The following RBFOX1 variants were observed in gnomAD, a reference collection of about 807,000 sequenced individuals.
RBFOX1 encodes RNA binding protein fox-1 homolog 1.
RBFOX1 carries 8 observed loss-of-function variants against 57.7 expected under a neutral mutation model. That is an observed-to-expected ratio of 0.14 (90% CI 0.08 to 0.25). The LOEUF (loss-of-function observed/expected upper bound fraction) is 0.25. RBFOX1 is among the 10% of genes least tolerant of loss of function. The pLI is 1.00. For synonymous variants in RBFOX1, 326 were observed against 222.4 expected, an observed-to-expected ratio of 1.47 and a Z score of -4.15; for missense variants, 611 against 548.5, an observed-to-expected ratio of 1.11 and a Z score of -1.14.
At chr16:7,613,779 C>T (rs1430265968) in intron 10 of RBFOX1, among the ~76,000 whole-genome samples, 1 of 152,072 alleles carries the variant, frequency 6.6e-6, no homozygotes, top group East Asian at 1.9e-4. Context: ...TTTAGTCATA[C>T]TTTTAGCTGT....
At chr16:7,170,958 C>A (rs1431510658) in intron 4 of RBFOX1, among the ~76,000 whole-genome samples, 1 of 152,120 alleles carries the variant, frequency 6.6e-6, no homozygotes, top group South Asian at 2.1e-4. Flanking sequence ...ATCAGGTTTC[C>A]TTTTGCAGGT....
At chr16:7,073,479 G>A (rs529670662) in intron 4 of RBFOX1, among the ~76,000 whole-genome samples, 4 of 152,080 alleles carry the variant, frequency 2.6e-5, no homozygotes, top group Non-Finnish European at 4.4e-5. Context: ...ATATAATTCA[G>A]ACCCCCTACA....
At chr16:6,516,653 C>G (rs758570707) in intron 2 of RBFOX1, among the ~76,000 whole-genome samples, 1 of 152,156 alleles carries the variant, frequency 6.6e-6, no homozygotes, top group Non-Finnish European at 1.5e-5. Flanking sequence ...GGAAGACAAT[C>G]TGTTGATTGT....
intron 1 of RBFOX1, among the ~76,000 whole-genome samples, chr16:6,211,342 C>A (rs565013805): frequency 1.3e-5 from 2 of 151,216 alleles, no homozygotes; most frequent in South Asian, 4.2e-4. Flanking sequence ...CATTCTTCTA[C>A]CTCAGCCTCC....
At chr16:6,511,417 C>G (rs767239915) in intron 2 of RBFOX1, among the ~76,000 whole-genome samples, 11 of 152,134 alleles carry the variant, frequency 7.2e-5, no homozygotes, top group Admixed American at 2.6e-4. Context: ...AAATGAAGAC[C>G]TGGGAATTTT....
intron 4 of RBFOX1, among the ~76,000 whole-genome samples, chr16:7,093,909 A>G (rs78354760): frequency 0.011 from 1,683 of 152,090 alleles, 19 homozygotes; most frequent in Non-Finnish European, 0.02. Flanking sequence ...GTGTTTAAAG[A>G]TTCTTGGAAA....
At chr16:7,093,241 C>G (rs1405158121) in intron 4 of RBFOX1, among the ~76,000 whole-genome samples, 12 of 152,178 alleles carry the variant, frequency 7.9e-5, no homozygotes, top group Admixed American at 7.9e-4. Context: ...GCCCAGCAGA[C>G]TCTGATTACT....
intron 4 of RBFOX1, among the ~76,000 whole-genome samples, chr16:7,449,585 G>A (rs149449488): frequency 3.3e-5 from 5 of 151,978 alleles, no homozygotes; most frequent in Admixed American, 1.3e-4. Context: ...CTTTAACCTC[G>A]TTAGACTTGA....
chr16:7,363,327 C>T (rs1164061163), intron 4 of RBFOX1, among the ~76,000 whole-genome samples: 1 of 152,142 alleles, frequency 6.6e-6, no homozygotes, highest in East Asian at 1.9e-4. Flanking sequence ...TTGTGTGTTA[C>T]TTACAACGTG....
At chr16:6,306,936 A>T (rs1454263934) in intron 1 of RBFOX1, among the ~76,000 whole-genome samples, 1 of 152,160 alleles carries the variant, frequency 6.6e-6, no homozygotes, top group East Asian at 1.9e-4. Flanking sequence ...CTACTTTGTG[A>T]ACTTGGTGCT....
intron 2 of RBFOX1, among the ~76,000 whole-genome samples, chr16:6,542,418 C>A (rs1302023404): frequency 2.7e-5 from 4 of 147,562 alleles, no homozygotes; most frequent in African/African-American, 9.9e-5. Context: ...AGCTCAACAA[C>A]TGCAGCTAAG....
chr16:6,811,795 A>C (rs1197777266), intron 3 of RBFOX1, among the ~76,000 whole-genome samples: 1 of 152,322 alleles, frequency 6.6e-6, no homozygotes, highest in Non-Finnish European at 1.5e-5. Context: ...AGGCTGAGGC[A>C]GGAGAATCGC....
rs559669599 is a variant in RBFOX1, at chr16:7,006,062, A to T, written c.-15-45995A>T. ...CCTCATGGTATATGTTCTCCTTTGC[A>T]ATAGGTAGTAAACCCTACTTTGTTC... On this transcript the variant is annotated intron_variant, in intron 3 of 15. Coordinates refer to ENST00000550418, the MANE Select transcript of RBFOX1 (RefSeq NM_018723.4). Among the ~76,000 whole-genome samples the T allele has an allele frequency of 3.3e-5, 5 of 152,322 alleles. No individual in the cohort carries two copies. In the South Asian group the frequency reaches 1.0e-3, roughly 32 times the overall value.
At chr16:6,767,932 TAATAATAATAATAATAAGAAGAAG>T (rs1436930023) in intron 3 of RBFOX1, among the ~76,000 whole-genome samples, 119 of 94,864 alleles carry the variant, frequency 1.3e-3, no homozygotes, top group African/African-American at 6.3e-3. Flanking sequence ...ATAATAATAA[TAATAATAATAATAATAAGAAGAAG>T]AAGAAGAAGA....
intron 5 of RBFOX1, among the ~76,000 whole-genome samples, chr16:7,518,788 C>T (rs546204663): frequency 3.3e-5 from 5 of 152,086 alleles, no homozygotes; most frequent in Admixed American, 6.5e-5. Flanking sequence ...TTTGGGAGGC[C>T]GAGATGGGAG....
chr16:7,497,717 C>T (rs1304681865), intron 4 of RBFOX1, among the ~76,000 whole-genome samples: 1 of 152,190 alleles, frequency 6.6e-6, no homozygotes, highest in African/African-American at 2.4e-5. Flanking sequence ...TTCCATGTGT[C>T]ACTGAGACTT....
intron 4 of RBFOX1, among the ~76,000 whole-genome samples, chr16:7,213,381 T>C (rs908502735): frequency 6.6e-6 from 1 of 152,204 alleles, no homozygotes; most frequent in East Asian, 1.9e-4. Flanking sequence ...AGTATTTCTT[T>C]AAGTTCCCAG....
chr16:6,810,254 T>C (rs1289812948), intron 3 of RBFOX1, among the ~76,000 whole-genome samples: 2 of 152,154 alleles, frequency 1.3e-5, no homozygotes, highest in African/African-American at 2.4e-5. Flanking sequence ...AAATTCACTT[T>C]TTACCACATT....
chr16:7,456,222 C>T (rs565656046), intron 4 of RBFOX1, among the ~76,000 whole-genome samples: 1 of 152,166 alleles, frequency 6.6e-6, no homozygotes, highest in Non-Finnish European at 1.5e-5. Context: ...TTTAACAGTT[C>T]CTCCACGTTA....
Sources: allele counts gnomAD v4.1 joint callset (sites outside exome capture counted in the v4.1 genomes callset), GRCh38; gene constraint gnomAD v4.1.1; transcripts MANE v1.5; gene names NCBI Gene and HGNC (gene_info 2026-07-23, HGNC 2026-07-21).